Variants in MDFIC2 observed in about 807,000 individuals in gnomAD.
The protein encoded by MDFIC2 is MyoD family inhibitor domain containing 2, also known as myoD family inhibitor domain-containing protein 2.
At chr3:70,277,650 AAAGTATGGTC>A (rs1284972680) in intron 2 of MDFIC2, among the ~76,000 whole-genome samples, 20 of 152,140 alleles carry the variant, frequency 1.3e-4, no homozygotes, top group African/African-American at 4.8e-4. Flanking sequence ...TCTTCTAATG[AAAGTATGGTC>A]GAGTATGGGG....
At chr3:70,289,779 A>C (rs1363197845) in intron 2 of MDFIC2, among the ~76,000 whole-genome samples, 2 of 151,882 alleles carry the variant, frequency 1.3e-5, no homozygotes, top group African/African-American at 4.8e-5. Flanking sequence ...TTTTTTCTCT[A>C]AACTTTCCTT....
intron 2 of MDFIC2, among the ~76,000 whole-genome samples, chr3:70,234,869 A>C (rs1056476371): frequency 6.6e-6 from 1 of 152,104 alleles, no homozygotes; most frequent in African/African-American, 2.4e-5. Flanking sequence ...CACTTATTCA[A>C]ATCTTGCCTG....
rs1228850963 is a variant in MDFIC2 at position 70,206,690 on chromosome 3, C to G, written c.189G>C (p.Lys63Asn). ...SDFNITDGPAKENPNEKKLSE... is the reference protein window; with the variant it reads ...SDFNITDGPANENPNEKKLSE... Reference sequence around the variant, plus strand: ...ACAGTTTTTTCTCATTGGGGTTTTCCTTGGCTGGTCCATCTGTGATATTGA... The same window carrying G: ...ACAGTTTTTTCTCATTGGGGTTTTCGTTGGCTGGTCCATCTGTGATATTGA... Residue 63 changes from lysine to asparagine, a missense_variant, in exon 3 of 4, where the codon AAG becomes AAC. Physicochemically the swap from Lys to Asn is moderately conservative, Grantham distance 94 (BLOSUM62 0). Transcript: ENST00000567252. The G allele has an allele frequency of 2.5e-6, 1 of 397,706 alleles. No homozygotes were observed. The allele number at this position is 397,706 out of a possible 1,614,324, so 24.6% of individuals were successfully genotyped here.
At chr3:70,297,954 G>T (rs994712007) in intron 2 of MDFIC2, among the ~76,000 whole-genome samples, 1 of 152,030 alleles carries the variant, frequency 6.6e-6, no homozygotes, top group Non-Finnish European at 1.5e-5. Context: ...CTTACTCTTT[G>T]CTAATTCCTG....
chr3:70,215,012 A>AT (rs1215424530), intron 2 of MDFIC2, among the ~76,000 whole-genome samples: 1 of 152,060 alleles, frequency 6.6e-6, no homozygotes, highest in Non-Finnish European at 1.5e-5. Context: ...TATACAGTCA[A>AT]TTTTTTTACT....
At chr3:70,251,606 A>G (rs1373501010) in intron 2 of MDFIC2, among the ~76,000 whole-genome samples, 7 of 152,192 alleles carry the variant, frequency 4.6e-5, no homozygotes, top group African/African-American at 1.7e-4. Context: ...AACATAAACA[A>G]TATGATGACA....
intron 2 of MDFIC2, among the ~76,000 whole-genome samples, chr3:70,278,622 A>G (rs933072362): frequency 6.6e-6 from 1 of 152,188 alleles, no homozygotes; most frequent in African/African-American, 2.4e-5. Flanking sequence ...CTACTTGCAC[A>G]GAAAATATAC....
chr3:70,231,108 G>A (rs1024948002), intron 2 of MDFIC2, among the ~76,000 whole-genome samples: 1 of 152,168 alleles, frequency 6.6e-6, no homozygotes, highest in Non-Finnish European at 1.5e-5. Flanking sequence ...AATTGTAAAT[G>A]TATTAAAAAC....
At chr3:70,269,455 G>A (rs1259689474) in intron 2 of MDFIC2, among the ~76,000 whole-genome samples, 1 of 152,126 alleles carries the variant, frequency 6.6e-6, no homozygotes, top group Non-Finnish European at 1.5e-5. Context: ...GTTCAAGTAA[G>A]GCAAATGCTG....
chr3:70,259,739 T>C (rs542948128), intron 2 of MDFIC2, among the ~76,000 whole-genome samples: 1 of 152,260 alleles, frequency 6.6e-6, no homozygotes, highest in South Asian at 2.1e-4. Flanking sequence ...CAGAAATGTA[T>C]TGTTGTATTA....
At chr3:70,218,231 T>G (rs2106734705) in intron 2 of MDFIC2, among the ~76,000 whole-genome samples, 1 of 152,278 alleles carries the variant, frequency 6.6e-6, no homozygotes, top group East Asian at 1.9e-4. Context: ...TTATTTCTAT[T>G]TTTAAATCCT....
Position 70,236,983 on chromosome 3 carries a change from C to A in MDFIC2, c.89-30193G>T, listed in dbSNP as rs573714415. ...CTATTGTGAAAAATCATAGCTTAAG[C>A]AACACAGATGTGTCAATGTCAAGGC... On this transcript the variant is annotated intron_variant, in intron 2 of 3. Transcript: ENST00000567252. Among the ~76,000 whole-genome samples, 6 of 152,306 alleles carry A rather than the reference C, an allele frequency of 3.9e-5. No homozygotes were observed. The South Asian group carries it at 1.0e-3, about 26-fold the overall frequency.
At chr3:70,232,385 A>T (rs1281896911) in intron 2 of MDFIC2, among the ~76,000 whole-genome samples, 3 of 151,286 alleles carry the variant, frequency 2.0e-5, no homozygotes, top group Non-Finnish European at 2.9e-5. Context: ...ATGTGGCTGG[A>T]CACAATGATG....
chr3:70,207,334 T>C (rs144357740), intron 2 of MDFIC2, among the ~76,000 whole-genome samples: 6 of 152,240 alleles, frequency 3.9e-5, no homozygotes, highest in African/African-American at 9.6e-5. Context: ...AGTGGCTTTC[T>C]CTGCCTTGGT....
chr3:70,280,434 T>C lies in MDFIC2; in HGVS notation c.88+31452A>G, dbSNP rs190128415. Among the ~76,000 whole-genome samples, 355 of 152,228 alleles carry C rather than the reference T, an allele frequency of 2.3e-3. 2 individuals carry two copies. The highest frequency in any genetic ancestry group is 4.0e-3 in the Non-Finnish European group (270 of 68,010). Reference sequence around the variant, plus strand: ...ACTACATTTACCTTGTTTCTTACCCTTACCACCCTAGGCATGTAACTCTCA... The same window carrying C: ...ACTACATTTACCTTGTTTCTTACCCCTACCACCCTAGGCATGTAACTCTCA... On this transcript the variant is annotated intron_variant, in intron 2 of 3. Coordinates refer to ENST00000567252, the MANE Select transcript of MDFIC2 (RefSeq NM_001364677.1).
chr3:70,302,021 A>G (rs1046758529), intron 2 of MDFIC2, among the ~76,000 whole-genome samples: 16 of 152,094 alleles, frequency 1.1e-4, no homozygotes, highest in Non-Finnish European at 2.4e-4. Context: ...TGGTGTGGAA[A>G]TTTAGCTCAA....
chr3:70,217,270 A>G (rs767707312), intron 2 of MDFIC2, among the ~76,000 whole-genome samples: 1 of 152,160 alleles, frequency 6.6e-6, no homozygotes, highest in Non-Finnish European at 1.5e-5. Flanking sequence ...CCCATTCAGT[A>G]CAAACGTAGA....
intron 2 of MDFIC2, among the ~76,000 whole-genome samples, chr3:70,306,594 A>AT (rs1041414429): frequency 6.6e-5 from 10 of 151,264 alleles, no homozygotes; most frequent in African/African-American, 2.4e-4. Context: ...TTTTTTTATC[A>AT]TTTTTTTTCT....
chr3:70,251,790 G>A (rs142274029), intron 2 of MDFIC2, among the ~76,000 whole-genome samples: 4 of 152,302 alleles, frequency 2.6e-5, no homozygotes, highest in African/African-American at 9.6e-5. Context: ...CACACCTGCA[G>A]CTTTGAGTCA....
Sources: gnomAD v4.1 joint callset for allele counts (sites outside exome capture counted in the v4.1 genomes callset) on GRCh38, gnomAD v4.1.1 for gene constraint, MANE v1.5 for transcripts, NCBI Gene and HGNC (gene_info 2026-07-23, HGNC 2026-07-21) for gene names.